CEP170: variants seen among roughly 807,000 people sequenced by gnomAD.
CEP170 encodes the protein centrosomal protein 170.
Under a neutral mutation model 151.9 loss-of-function variants are expected in CEP170, and 21 were observed. That is an observed-to-expected ratio of 0.14 (90% CI 0.10 to 0.20). The LOEUF is 0.20. CEP170 is among the 10% of genes least tolerant of loss of function. The pLI, the probability that CEP170 is intolerant of heterozygous loss-of-function variation, is 1.00. For synonymous variants in CEP170, 356 were observed against 648.8 expected (o/e 0.55, Z 6.86); for missense variants, 964 against 1,892.9 (o/e 0.51, Z 9.11).
At chr1:243,246,249 T>G (rs1403425175) in intron 1 of CEP170, among the ~76,000 whole-genome samples, 18 of 145,756 alleles carry the variant, frequency 1.2e-4, no homozygotes, top group Non-Finnish European at 1.5e-5. Context: ...TTTTTTTTTT[T>G]GAGACAGAGT....
chr1:243,125,972 A>G lies in CEP170; in HGVS notation c.*477T>C. On this transcript the variant is annotated 3_prime_UTR_variant, in exon 20 of 20. Transcript: ENST00000366542. ...GGAGAGTACTTATGTCATTGTGTCC[A>G]ATGGTAATGAGTACTAATATAAATC... The G allele has an allele frequency of 2.7e-6, 1 of 363,990 alleles. No individual in the cohort carries two copies. The allele number at this position is 363,990 out of a possible 1,614,324, so 22.5% of individuals were successfully genotyped here.
At chr1:243,131,764 TTA>T (rs2054445576) in intron 17 of CEP170, among the ~76,000 whole-genome samples, 1 of 152,192 alleles carries the variant, frequency 6.6e-6, no homozygotes, top group East Asian at 1.9e-4. Context: ...TCAGATTATA[TTA>T]TAGATTCAAA....
intron 1 of CEP170, among the ~76,000 whole-genome samples, chr1:243,226,248 T>C (rs2063295847): frequency 6.7e-6 from 1 of 148,336 alleles, no homozygotes; most frequent in Non-Finnish European, 1.5e-5. Context: ...TATACACATA[T>C]ATGTATGTAT....
chr1:243,143,407 C>A (rs2056111040), intron 14 of CEP170, among the ~76,000 whole-genome samples: 1 of 151,956 alleles, frequency 6.6e-6, no homozygotes, highest in Non-Finnish European at 1.5e-5. Context: ...TACTCATTTC[C>A]ATAAAGCCAT....
intron 3 of CEP170, chr1:243,221,512 T>C: frequency 2.0e-6 from 1 of 499,386 alleles, no homozygotes; most frequent in East Asian, 3.4e-5. Flanking sequence ...GACAACCACC[T>C]TCTGGATTCA....
intron 12 of CEP170, 97 bp from the exon 13 acceptor site, chr1:243,166,213 T>A: frequency 6.8e-7 from 1 of 1,472,914 alleles, no homozygotes; most frequent in Middle Eastern, 2.0e-4. Flanking sequence ...CCATGAAGAC[T>A]GGTTCCAGGC....
At position 243,225,453 on chromosome 1, in the gene CEP170, A is replaced by C. The variant is rs576272498; in HGVS notation, c.-41-132T>G. 59 of 439,692 alleles carry C rather than the reference A, an allele frequency of 1.3e-4. 1 individual carries two copies. In the South Asian group the frequency reaches 3.1e-3, roughly 23 times the overall value. 27.2% of individuals were successfully genotyped at this position (439,692 alleles called of 1,614,324 possible). A position where few individuals can be genotyped will look rare whatever the true frequency, so the allele number is the denominator to read the frequency against. On this transcript the variant is annotated intron_variant, in intron 1 of 19. Transcript: ENST00000366542. ...ATACTTAATTAAATGAACTGTCCAC[A>C]GGTCCCAGGAAATGACATATATACT...
At chr1:243,140,170 A>G in intron 15 of CEP170, 63 bp from the exon 16 acceptor site, 2 of 1,562,444 alleles carry the variant, frequency 1.3e-6, no homozygotes, top group Non-Finnish European at 1.7e-6. Context: ...CAATATTGGC[A>G]TTACAATTTT....
chr1:243,221,946 G>T, intron 2 of CEP170, 133 bp from the exon 3 acceptor site: 1 of 693,334 alleles, frequency 1.4e-6, no homozygotes, highest in Non-Finnish European at 2.2e-6. Context: ...GATTAAATGA[G>T]ATTAAAACGG....
intron 10 of CEP170, among the ~76,000 whole-genome samples, chr1:243,181,501 T>C (rs1275058485): frequency 6.6e-6 from 1 of 151,862 alleles, no homozygotes; most frequent in East Asian, 1.9e-4. Context: ...AAAAAGAGGG[T>C]AGGTAGTTCA....
chr1:243,248,833 C>T (rs2065661381), intron 1 of CEP170, among the ~76,000 whole-genome samples: 2 of 152,180 alleles, frequency 1.3e-5, no homozygotes, highest in Non-Finnish European at 2.9e-5. Context: ...AATCTCTATG[C>T]AACCTCATTT....
chr1:243,156,135 A>G, intron 14 of CEP170, 86 bp downstream of exon 14: 1 of 1,449,408 alleles, frequency 6.9e-7, no homozygotes, highest in Non-Finnish European at 9.1e-7. Flanking sequence ...ACTATTAGTA[A>G]AAATCAAGTA....
At chr1:243,201,551 G>C (rs2061032521) in intron 4 of CEP170, among the ~76,000 whole-genome samples, 1 of 152,126 alleles carries the variant, frequency 6.6e-6, no homozygotes, top group Non-Finnish European at 1.5e-5. Context: ...TCTGTAATGA[G>C]AGGACTTTTA....
Position 243,221,822 on chromosome 1 carries a change from AAT to A in CEP170, c.106-11_106-10del. The stretch of plus-strand genomic sequence containing the variant: ...TTATCCACACTACGAGACTGAAAGG[AAT>A]GTTGTCAGTTAATAAATATAAGAAA... On this transcript the variant is annotated splice_polypyrimidine_tract_variant and intron_variant, in intron 2 of 19. Coordinates refer to ENST00000366542, the MANE Select transcript of CEP170 (RefSeq NM_014812.3). The A allele has an allele frequency of 6.2e-7, 1 of 1,602,944 alleles. No individual in the cohort carries two copies. Among genetic ancestry groups the A allele is most frequent in the South Asian group, 1.1e-5 (1 of 88,390 alleles).
rs2148764474 is a variant in CEP170 at position 243,191,179 on chromosome 1, G to A, written c.947C>T (p.Thr316Ile). The A allele has an allele frequency of 6.2e-7, 1 of 1,612,314 alleles. No individual in the cohort carries two copies. Among genetic ancestry groups the A allele is most frequent in the East Asian group, 2.2e-5 (1 of 44,834 alleles). ...TGTTTGAATCCCCAGCAAGTCTTGA[G>A]TTCCAGGAGAAGACTTCTTGGACTT... is the stretch of plus-strand genomic sequence containing the variant. Reference protein sequence around the residue: ...RHKSKKSSPGTQDLLGIQTGM... With the variant: ...RHKSKKSSPGIQDLLGIQTGM... Residue 316 changes from threonine to isoleucine, a missense_variant, in exon 8 of 20, where the codon ACT (threonine) becomes ATT (isoleucine). Transcript: ENST00000366542.
Position 243,169,759 on chromosome 1 carries a change from A to C in CEP170, c.1717-5T>G, listed in dbSNP as rs369702176. 1.3e-6 allele frequency: 2 copies of C among 1,598,598 alleles called. No homozygotes were observed. The highest frequency in any genetic ancestry group is 2.7e-5 in the African/African-American group (2 of 73,764). ...TCCAGATGAAGATGTGCCTTCCTAA[A>C]GGAGAAAAATAAGAAAACAAAATCA... is the stretch of plus-strand genomic sequence containing the variant. On this transcript the variant is annotated splice_polypyrimidine_tract_variant and splice_region_variant and intron_variant, in intron 11 of 19. Coordinates refer to ENST00000366542, the MANE Select transcript of CEP170 (RefSeq NM_014812.3).
chr1:243,201,548 T>C (rs556542649), intron 4 of CEP170, among the ~76,000 whole-genome samples: 5 of 152,286 alleles, frequency 3.3e-5, no homozygotes, highest in African/African-American at 1.2e-4. Context: ...AACTCTGTAA[T>C]GAGAGGACTT....
At position 243,207,399 on chromosome 1, in the gene CEP170, G is replaced by T. The variant is rs554951332; in HGVS notation, c.274+4487C>A. Among the ~76,000 whole-genome samples, 500 of 152,262 alleles carry T rather than the reference G, an allele frequency of 3.3e-3. 1 individual carries two copies. Among genetic ancestry groups the T allele is most frequent in the African/African-American group, 0.012 (496 of 41,566 alleles). ...AGAGCTGCAAATGACAAAGCAAAAAGTTCTGCAAGGAGGAGGGGGCGAACC... is the reference window on the plus strand; with the variant it reads ...AGAGCTGCAAATGACAAAGCAAAAATTTCTGCAAGGAGGAGGGGGCGAACC... On this transcript the variant is annotated intron_variant, in intron 4 of 19. Coordinates refer to ENST00000366542, the MANE Select transcript of CEP170 (RefSeq NM_014812.3).
Position 243,164,901 on chromosome 1 carries a change from A to C in CEP170, c.3059T>G (p.Val1020Gly), listed in dbSNP as rs1268624952. Residue 1020 changes from valine (V) to glycine (G), a missense_variant, in exon 13 of 20, where the codon GTA (valine) becomes GGA (glycine). Transcript: ENST00000366542. Reference sequence around the variant, plus strand: ...GGTTTGGTCATCATCTGTTAAGTCTACTGAGGGCTGTCTTATTCTCCCACT... The same window carrying C: ...GGTTTGGTCATCATCTGTTAAGTCTCCTGAGGGCTGTCTTATTCTCCCACT... ...QSSGRIRQPS[V>G]DLTDDDQTSS... 1 of 1,613,840 alleles carries C rather than the reference A, an allele frequency of 6.2e-7. No individual in the cohort carries two copies. Among genetic ancestry groups the C allele is most frequent in the Non-Finnish European group, 8.5e-7 (1 of 1,179,736 alleles).
Sources: gnomAD v4.1 joint callset for allele counts (sites outside exome capture counted in the v4.1 genomes callset) on GRCh38, gnomAD v4.1.1 for gene constraint, MANE v1.5 for transcripts, NCBI Gene and HGNC (gene_info 2026-07-23, HGNC 2026-07-21) for gene names.